The following SRA1 variants were observed in gnomAD, a reference collection of about 807,000 sequenced individuals.
The protein encoded by SRA1 is steroid receptor RNA activator 1, also known as lncRNA SRA.
In SRA1, 25 loss-of-function variants were observed where a neutral mutation model predicts 24.3. That is an observed-to-expected ratio of 1.03 (90% confidence interval 0.75 to 1.43). The LOEUF is 1.43. SRA1 is among the 40% of genes most tolerant of loss of function. The pLI, the probability that SRA1 is intolerant of heterozygous loss-of-function variation, is 0.00. For synonymous variants in SRA1, 104 were observed against 109.5 expected (o/e 0.95, Z 0.31); for missense variants, 303 against 286.6 (o/e 1.06, Z -0.41).
At position 140,557,158 on chromosome 5, in the gene SRA1, C is replaced by T. The variant is rs1581400549; in HGVS notation, c.140G>A (p.Gly47Glu). 2 of 1,607,478 alleles carry T rather than the reference C, an allele frequency of 1.2e-6. No homozygotes were observed. Among genetic ancestry groups the T allele is most frequent in the South Asian group, 2.2e-5 (2 of 90,742 alleles). ...GGGGCCCCACGCACCTCTGGGGGAT[C>T]CATCCTGGGGTGCGGCGACCCTCTT... is the stretch of plus-strand genomic sequence containing the variant. ...LTKRVAAPQD[G>E]SPRVPASETS... The change falls in exon 2 of 5, where the codon GGA becomes GAA. Residue 47 changes from glycine (G) to glutamate (E), a missense_variant. Physicochemically the swap from Gly to Glu is moderately conservative, Grantham distance 98 (BLOSUM62 -2). Coordinates refer to ENST00000336283, the MANE Select transcript of SRA1 (RefSeq NM_001035235.4).
At position 140,555,155 on chromosome 5, in the gene SRA1, C is replaced by T. The variant is rs557951008; in HGVS notation, c.151+1992G>A. ...GCCTCCAAAGTGCTGGAATTACAGG[C>T]GTGAGCCACTGCGCCTGGCCCCTTG... On this transcript the variant is annotated intron_variant, in intron 2 of 4. Coordinates refer to ENST00000336283, the MANE Select transcript of SRA1 (RefSeq NM_001035235.4). Among the ~76,000 whole-genome samples, 21 of 152,150 alleles carry T rather than the reference C, an allele frequency of 1.4e-4. No homozygotes were observed. The South Asian group carries it at 4.4e-3, about 32-fold the overall frequency.
chr5:140,557,506 AC>A (rs764810246), upstream of SRA1: 41 of 1,536,252 alleles, frequency 2.7e-5, no homozygotes, highest in South Asian at 4.9e-4. Context: ...GCGGCCCCTC[AC>A]GCGGGCCAGT....
chr5:140,557,108 C>CCAA, intron 2 of SRA1, 39 bp downstream of exon 2: 1 of 1,034,678 alleles, frequency 9.7e-7, no homozygotes, highest in African/African-American at 2.0e-5. Context: ...CCCCCCCCCC[C>CCAA]ATTCTCCGTC....
intron 2 of SRA1, among the ~76,000 whole-genome samples, chr5:140,552,796 C>T (rs1268726033): frequency 6.6e-6 from 1 of 152,040 alleles, no homozygotes; most frequent in Non-Finnish European, 1.5e-5. Flanking sequence ...ATAGTGAGAC[C>T]TCATCTCTAT....
In SRA1 at chr5:140,552,068, T is replaced by C. The variant is rs150460239; in HGVS notation, c.268A>G (p.Ser90Gly). Residue 90 changes from serine (S) to glycine (G), a missense_variant, in exon 3 of 5, where the codon AGT (serine) becomes GGT (glycine). Coordinates refer to ENST00000336283, the MANE Select transcript of SRA1 (RefSeq NM_001035235.4). ...ACAGCCTCAGACTCGACTGGGAAACTTGTGGGCTCCACGCCAGAGGCAGGA... is the reference window on the plus strand; with the variant it reads ...ACAGCCTCAGACTCGACTGGGAAACCTGTGGGCTCCACGCCAGAGGCAGGA... Reference protein sequence around the residue: ...SGPASGVEPTSFPVESEAVME... With the variant: ...SGPASGVEPTGFPVESEAVME... 6.2e-7 allele frequency: 1 copy of C among 1,614,016 alleles called. No individual in the cohort carries two copies. Among genetic ancestry groups the C allele is most frequent in the South Asian group, 1.1e-5 (1 of 91,046 alleles).
rs1033657730 is a variant in SRA1, at chr5:140,552,122, C to G, written c.214G>C (p.Ala72Pro). ...PMGPPPPSSK[A>P]PRSPPVGSGP... ...CTCCCCACAGGTGGGGACCTGGGAG[C>G]CTTACTTGAAGGAGGTGGAGGCCCC... The change falls in exon 3 of 5, where the codon GCT becomes CCT. Residue 72 changes from alanine to proline, a missense_variant. Coordinates refer to ENST00000336283, the MANE Select transcript of SRA1 (RefSeq NM_001035235.4). 2 of 1,612,620 alleles carry G rather than the reference C, an allele frequency of 1.2e-6. No homozygotes were observed. The highest frequency in any genetic ancestry group is 1.7e-6 in the Non-Finnish European group (2 of 1,179,406).
At chr5:140,557,340 A>T in intron 1 of SRA1, 68 bp from the exon 2 acceptor site, 1 of 1,603,776 alleles carries the variant, frequency 6.2e-7, no homozygotes, top group South Asian at 1.1e-5. Flanking sequence ...GGGCTGGGGG[A>T]GACAGAGGGT....
In SRA1 at chr5:140,557,206, C is replaced by T; in HGVS notation, c.92G>A (p.Gly31Glu). 1 of 1,613,058 alleles carries T rather than the reference C, an allele frequency of 6.2e-7. No individual in the cohort carries two copies. The highest frequency in any genetic ancestry group is 8.5e-7 in the Non-Finnish European group (1 of 1,179,712). ...CTTGGTAAGCAGCGAGCGCCTGGGT[C>T]CGCCGGCCTGGGTCTGCAGCCCGTA... ...FSYGLQTQAGGPRRSLLTKRV... is the reference protein window; with the variant it reads ...FSYGLQTQAGEPRRSLLTKRV... Residue 31 changes from glycine (G) to glutamate (E), a missense_variant, in exon 2 of 5, where the codon GGA (glycine) becomes GAA (glutamate). Physicochemically the swap from Gly to Glu is moderately conservative, Grantham distance 98. Coordinates refer to ENST00000336283, the MANE Select transcript of SRA1 (RefSeq NM_001035235.4).
chr5:140,550,570 G>A lies in SRA1; in HGVS notation c.*130C>T. The A allele has an allele frequency of 1.3e-6, 1 of 794,630 alleles. No individual in the cohort carries two copies. The highest frequency in any genetic ancestry group is 2.4e-5 in the East Asian group (1 of 41,084). 49.2% of individuals were successfully genotyped at this position (794,630 alleles called of 1,614,324 possible). On this transcript the variant is annotated 3_prime_UTR_variant, in exon 5 of 5. Transcript: ENST00000336283. ...AACACATGAACTCCCTCTGGCCCAGGTGGGACTTCTTCCCTCATAGGTGGG... is the reference window on the plus strand; with the variant it reads ...AACACATGAACTCCCTCTGGCCCAGATGGGACTTCTTCCCTCATAGGTGGG...
Position 140,550,331 on chromosome 5 carries a change from C to T in SRA1, c.*369G>A, listed in dbSNP as rs1398416850. ...CTCCGCCCAGCACAGGATGTGCTTT[C>T]AGTCTACTTTGGGAAAAAGTGGTAG... On this transcript the variant is annotated 3_prime_UTR_variant, in exon 5 of 5. Transcript: ENST00000336283. 2 of 294,420 alleles carry T rather than the reference C, an allele frequency of 6.8e-6. No homozygotes were observed. Among genetic ancestry groups the T allele is most frequent in the Admixed American group, 4.8e-5 (1 of 20,978 alleles). 18.2% of individuals were successfully genotyped at this position (294,420 alleles called of 1,614,324 possible).
chr5:140,550,409 G>C lies in SRA1; in HGVS notation c.*291C>G, dbSNP rs538357266. On this transcript the variant is annotated 3_prime_UTR_variant, in exon 5 of 5. Transcript: ENST00000336283. ...CCCTTCCTGATGAATGGAGAAGGGA[G>C]AACAGAGGTTTGCAGATACACAGGG... The C allele has an allele frequency of 2.1e-6, 1 of 467,644 alleles. No individual in the cohort carries two copies. Among genetic ancestry groups the C allele is most frequent in the African/African-American group, 1.9e-5 (1 of 51,346 alleles). The allele number at this position is 467,644 out of a possible 1,614,324, so 29.0% of individuals were successfully genotyped here.
chr5:140,552,953 T>C (rs1754605303), intron 2 of SRA1, among the ~76,000 whole-genome samples: 1 of 152,326 alleles, frequency 6.6e-6, no homozygotes, highest in East Asian at 1.9e-4. Flanking sequence ...TACTAAATTA[T>C]GTTACATGCT....
Position 140,550,340 on chromosome 5 carries a change from T to C in SRA1, c.*360A>G. The C allele has an allele frequency of 3.3e-6, 1 of 303,414 alleles. No individual in the cohort carries two copies. The highest frequency in any genetic ancestry group is 6.3e-6 in the Non-Finnish European group (1 of 158,178). 18.8% of individuals were successfully genotyped at this position (303,414 alleles called of 1,614,324 possible). Reference sequence around the variant, plus strand: ...GCACAGGATGTGCTTTCAGTCTACTTTGGGAAAAAGTGGTAGGCAGTAGTC... The same window carrying C: ...GCACAGGATGTGCTTTCAGTCTACTCTGGGAAAAAGTGGTAGGCAGTAGTC... On this transcript the variant is annotated 3_prime_UTR_variant, in exon 5 of 5. Transcript: ENST00000336283.
At position 140,550,571 on chromosome 5, in the gene SRA1, T is replaced by G. The variant is rs1047010; in HGVS notation, c.*129A>C. 8 of 797,536 alleles carry G rather than the reference T, an allele frequency of 1.0e-5. No individual in the cohort carries two copies. The highest frequency in any genetic ancestry group is 2.4e-5 in the East Asian group (1 of 41,102). 49.4% of individuals were successfully genotyped at this position (797,536 alleles called of 1,614,324 possible). On this transcript the variant is annotated 3_prime_UTR_variant, in exon 5 of 5. Coordinates refer to ENST00000336283, the MANE Select transcript of SRA1 (RefSeq NM_001035235.4). ...ACACATGAACTCCCTCTGGCCCAGG[T>G]GGGACTTCTTCCCTCATAGGTGGGT...
chr5:140,553,672 T>C (rs1754621200), intron 2 of SRA1, among the ~76,000 whole-genome samples: 1 of 152,196 alleles, frequency 6.6e-6, no homozygotes, highest in East Asian at 1.9e-4. Context: ...TGACCAGACT[T>C]ATTTTTAAAC....
Position 140,550,832 on chromosome 5 carries a change from C to A in SRA1, c.543G>T (p.Gln181His). ...TTAATCTTTTAACTCCTACCATCCA[C>A]TGACTGACCTCAGTCACATGGTCAA... is the stretch of plus-strand genomic sequence containing the variant. ...LMVDHVTEVS[Q>H]WMVGVKRLIA... Residue 181 changes from glutamine to histidine, a missense_variant, in exon 5 of 5, where the codon CAG (glutamine) becomes CAT (histidine). Coordinates refer to ENST00000336283, the MANE Select transcript of SRA1 (RefSeq NM_001035235.4). 6.2e-7 allele frequency: 1 copy of A among 1,614,198 alleles called. No homozygotes were observed. Among genetic ancestry groups the A allele is most frequent in the South Asian group, 1.1e-5 (1 of 91,084 alleles).
At chr5:140,557,328 T>G (rs1754747400) in intron 1 of SRA1, 56 bp from the exon 2 acceptor site, 2 of 1,605,026 alleles carry the variant, frequency 1.2e-6, no homozygotes, top group South Asian at 1.1e-5. Context: ...TAGCTTATAC[T>G]GGGGCTGGGG....
chr5:140,550,609 G>A lies in SRA1; in HGVS notation c.*91C>T, dbSNP rs578153128. The A allele has an allele frequency of 4.3e-5, 56 of 1,300,522 alleles. No individual in the cohort carries two copies. The highest frequency in any genetic ancestry group is 2.1e-4 in the Middle Eastern group (1 of 4,772). 80.6% of individuals were successfully genotyped at this position (1,300,522 alleles called of 1,614,324 possible). On this transcript the variant is annotated 3_prime_UTR_variant, in exon 5 of 5. Transcript: ENST00000336283. ...CTCATAGGTGGGTCAGGCCCAGTGG[G>A]ACAGTCTTGGTGGTGGTAAGAAGGG...
chr5:140,557,241 C>T lies in SRA1; in HGVS notation c.57G>A (p.Pro19=). 1.2e-6 allele frequency: 2 copies of T among 1,612,742 alleles called. No individual in the cohort carries two copies. Among genetic ancestry groups the T allele is most frequent in the Non-Finnish European group, 8.5e-7 (1 of 1,179,972 alleles). Residue 19 remains proline (P), a synonymous_variant, in exon 2 of 5, where the codon CCG becomes CCA. Transcript: ENST00000336283. ...GGGTCTGCAGCCCGTATGAGAACTG[C>T]GGCGGGTCGTTCCAGCCGCGTTCCT... ...GNKERGWNDP[P]QFSYGLQTQA...
Sources: gnomAD v4.1 joint callset for allele counts (sites outside exome capture counted in the v4.1 genomes callset) on GRCh38, gnomAD v4.1.1 for gene constraint, MANE v1.5 for transcripts, NCBI Gene and HGNC (gene_info 2026-07-23, HGNC 2026-07-21) for gene names.